Variants in PPP1R12B observed in about 807,000 individuals in gnomAD.
The protein encoded by PPP1R12B is protein phosphatase 1 regulatory subunit 12B.
Under a neutral mutation model 126.1 loss-of-function variants are expected in PPP1R12B, and 76 were observed. The observed-to-expected ratio is 0.60, with a 90% CI of 0.50 to 0.73. PPP1R12B has a LOEUF of 0.73. Ranked by LOEUF, PPP1R12B falls within the 30% of genes least tolerant of loss-of-function variation. The pLI is 0.00. For missense variants in PPP1R12B, 1,052 were observed against 1,205.1 expected (o/e 0.87, Z 1.88); for synonymous variants, 356 against 434.7 (o/e 0.82, Z 2.25).
intron 1 of PPP1R12B, among the ~76,000 whole-genome samples, chr1:202,380,934 T>C (rs1292645441): frequency 6.6e-6 from 1 of 152,232 alleles, no homozygotes; most frequent in Non-Finnish European, 1.5e-5. Context: ...ATTGCACTGA[T>C]AGTGCTAGAA....
intron 19 of PPP1R12B, 94 bp from the exon 20 acceptor site, chr1:202,562,684 T>G: frequency 7.2e-7 from 1 of 1,379,980 alleles, no homozygotes; most frequent in Non-Finnish European, 1.0e-6. Flanking sequence ...CCGAAATACT[T>G]CTTAGAAAAG....
chr1:202,539,378 T>C (rs781688107), intron 18 of PPP1R12B, among the ~76,000 whole-genome samples: 1 of 152,098 alleles, frequency 6.6e-6, no homozygotes, highest in African/African-American at 2.4e-5. Context: ...TCTCCAGCAT[T>C]CCTCACTGAG....
intron 19 of PPP1R12B, among the ~76,000 whole-genome samples, chr1:202,561,057 G>A (rs966852712): frequency 1.3e-5 from 2 of 151,594 alleles, no homozygotes; most frequent in Non-Finnish European, 2.9e-5. Context: ...TACTCTACAG[G>A]AGGTTCCCCT....
intron 13 of PPP1R12B, chr1:202,472,020 A>G (rs1675978959): frequency 1.3e-6 from 2 of 1,594,648 alleles, no homozygotes; most frequent in Admixed American, 1.7e-5. Flanking sequence ...TTTCACATCC[A>G]TGAAGTAGGA....
rs1195854143 is a variant in PPP1R12B at position 202,408,848 on chromosome 1, T to C, written c.292-7939T>C. 4.6e-4 allele frequency among the ~76,000 whole-genome samples: 68 copies of C among 146,778 alleles called. 1 individual carries two copies. Among genetic ancestry groups the C allele is most frequent in the African/African-American group, 1.1e-3 (44 of 39,414 alleles). On this transcript the variant is annotated intron_variant, in intron 1 of 23. Coordinates refer to ENST00000608999, the MANE Select transcript of PPP1R12B (RefSeq NM_002481.4). ...TCAATTATTATTATTTCTTTCTTTT[T>C]TTTTTTTTTTTTTTTGAGACAGGGT...
At chr1:202,414,599 T>G (rs942091630) in intron 1 of PPP1R12B, among the ~76,000 whole-genome samples, 27 of 152,182 alleles carry the variant, frequency 1.8e-4, no homozygotes, top group Admixed American at 1.4e-3. Flanking sequence ...ACTTGGATGG[T>G]CACATTTTAT....
intron 18 of PPP1R12B, among the ~76,000 whole-genome samples, chr1:202,545,567 A>C (rs1047533236): frequency 1.5e-4 from 23 of 152,242 alleles, no homozygotes; most frequent in Non-Finnish European, 3.4e-4. Flanking sequence ...TCTGCTTTGT[A>C]GTAGGCTTTA....
Position 202,472,596 on chromosome 1 carries a change from G to A in PPP1R12B, c.1851-15937G>A, listed in dbSNP as rs531717445. Among the ~76,000 whole-genome samples, 3 of 152,282 alleles carry A rather than the reference G, an allele frequency of 2.0e-5. No homozygotes were observed. In the East Asian group the frequency reaches 5.8e-4, roughly 29 times the overall value. On this transcript the variant is annotated intron_variant, in intron 13 of 23. Coordinates refer to ENST00000608999, the MANE Select transcript of PPP1R12B (RefSeq NM_002481.4). ...TTGTGAAAGTGGCTTTGGCACTTGA[G>A]GCTGGCATGTTTTTAATGGAACAAA...
intron 1 of PPP1R12B, among the ~76,000 whole-genome samples, chr1:202,350,725 A>T (rs898537777): frequency 1.3e-5 from 2 of 151,364 alleles, no homozygotes; most frequent in African/African-American, 4.8e-5. Context: ...GTTTCAAGCG[A>T]TTCTCCTGCC....
At chr1:202,509,081 T>C (rs1224143908) in intron 18 of PPP1R12B, among the ~76,000 whole-genome samples, 4 of 152,280 alleles carry the variant, frequency 2.6e-5, no homozygotes, top group Non-Finnish European at 4.4e-5. Context: ...CAGGCCACGC[T>C]GCAGTTTGCT....
At chr1:202,549,971 G>A (rs1396191688) in intron 18 of PPP1R12B, among the ~76,000 whole-genome samples, 1 of 152,122 alleles carries the variant, frequency 6.6e-6, no homozygotes, top group Non-Finnish European at 1.5e-5. Flanking sequence ...ACACACACTT[G>A]AGAATCTTAT....
chr1:202,387,643 T>C (rs1217201066), intron 1 of PPP1R12B, among the ~76,000 whole-genome samples: 1 of 152,178 alleles, frequency 6.6e-6, no homozygotes, highest in African/African-American at 2.4e-5. Context: ...TATTTAATGA[T>C]TTATTAAAAG....
intron 12 of PPP1R12B, among the ~76,000 whole-genome samples, chr1:202,446,256 A>AT (rs71142531): frequency 0.11 from 5,753 of 53,956 alleles, 420 homozygotes; most frequent in East Asian, 0.16. Flanking sequence ...ATATATATAT[A>AT]TTTTTTTTTT....
At position 202,434,513 on chromosome 1, in the gene PPP1R12B, T is replaced by A. The variant is rs1317482753; in HGVS notation, c.1142-143T>A. The A allele has an allele frequency of 1.9e-5, 20 of 1,064,590 alleles. No individual in the cohort carries two copies. In the South Asian group the frequency reaches 4.0e-4, roughly 21 times the overall value. The allele number at this position is 1,064,590 out of a possible 1,614,324, so 65.9% of individuals were successfully genotyped here. On this transcript the variant is annotated intron_variant, in intron 8 of 23. Coordinates refer to ENST00000608999, the MANE Select transcript of PPP1R12B (RefSeq NM_002481.4). ...CCAACAGTTGCAAGAGTTTACAAGT[T>A]GTTAGTTTATATCCAAGCATTACAG...
chr1:202,388,739 A>C (rs539046086), intron 1 of PPP1R12B, among the ~76,000 whole-genome samples: 1 of 152,148 alleles, frequency 6.6e-6, no homozygotes, highest in Admixed American at 6.5e-5. Context: ...TATTGTTTTT[A>C]TTATAAAATC....
At chr1:202,475,004 G>A (rs1676454950) in intron 13 of PPP1R12B, among the ~76,000 whole-genome samples, 1 of 152,130 alleles carries the variant, frequency 6.6e-6, no homozygotes, top group Admixed American at 6.5e-5. Context: ...GATTCACCAT[G>A]GTTTAAAGCT....
intron 13 of PPP1R12B, among the ~76,000 whole-genome samples, chr1:202,471,707 G>A (rs1248958667): frequency 6.8e-6 from 1 of 146,978 alleles, no homozygotes; most frequent in African/African-American, 2.5e-5. Flanking sequence ...ATGCTTTTCT[G>A]GTTTCCTTTT....
Position 202,493,196 on chromosome 1 carries a change from G to A in PPP1R12B, c.2024G>A (p.Arg675His), listed in dbSNP as rs746092183. 1.3e-5 allele frequency: 21 copies of A among 1,612,586 alleles called. No homozygotes were observed. The highest frequency in any genetic ancestry group is 6.7e-5 in the Admixed American group (4 of 59,994). Residue 675 changes from arginine to histidine, a missense_variant, in exon 15 of 24, where the codon CGT becomes CAT. Physicochemically the swap from Arg to His is conservative, Grantham distance 29. Coordinates refer to ENST00000608999, the MANE Select transcript of PPP1R12B (RefSeq NM_002481.4). ...GAGAGGCAAGCTCAGGAGCAGCCTCGTGAGAAGCCCACAGACACTGAAGGG... is the reference window on the plus strand; with the variant it reads ...GAGAGGCAAGCTCAGGAGCAGCCTCATGAGAAGCCCACAGACACTGAAGGG... ...RAERQAQEQP[R>H]EKPTDTEGLE...
intron 13 of PPP1R12B, among the ~76,000 whole-genome samples, chr1:202,457,552 CAAA>C (rs762009351): frequency 2.2e-5 from 2 of 92,050 alleles, no homozygotes; most frequent in Non-Finnish European, 2.2e-5. Flanking sequence ...GACTCCATCT[CAAA>C]AAAAAAAAAA....
Sources: gnomAD v4.1 joint callset for allele counts (sites outside exome capture counted in the v4.1 genomes callset) on GRCh38, gnomAD v4.1.1 for gene constraint, MANE v1.5 for transcripts, NCBI Gene and HGNC (gene_info 2026-07-23, HGNC 2026-07-21) for gene names.